JMJD1C: variants seen among roughly 807,000 people sequenced by gnomAD.
JMJD1C encodes jumonji domain containing 1C, also known as jumonji domain-containing protein 1C.
In JMJD1C, 31 loss-of-function variants were observed where a neutral mutation model predicts 245.3. That is an observed-to-expected ratio of 0.13 (90% CI 0.09 to 0.17). The LOEUF is 0.17. Among genes scored for constraint, JMJD1C ranks in the 10% least tolerant of loss-of-function variants. JMJD1C has a pLI of 1.00. For missense variants in JMJD1C, 2,691 were observed against 3,000.2 expected (o/e 0.90, Z 2.41); for synonymous variants, 1,057 against 1,017.4 (o/e 1.04, Z -0.74).
intron 2 of JMJD1C, among the ~76,000 whole-genome samples, chr10:63,307,144 T>A (rs1189242844): frequency 1.3e-5 from 2 of 152,146 alleles, no homozygotes; most frequent in East Asian, 1.9e-4. Flanking sequence ...CAAATAATTC[T>A]GAGGATTCGT....
Position 63,336,603 on chromosome 10 carries a change from T to G in JMJD1C, c.333+43715A>C, listed in dbSNP as rs573116803. ...CTATAGAATAAATAAAAAAGAAGAA[T>G]GAGATAGTTAATCTAAAAAACAAAG... On this transcript the variant is annotated intron_variant, in intron 2 of 25. Transcript: ENST00000399262. Among the ~76,000 whole-genome samples the G allele has an allele frequency of 3.3e-5, 5 of 152,136 alleles. No homozygotes were observed. In the East Asian group the frequency reaches 9.7e-4, roughly 29 times the overall value.
At chr10:63,272,245 C>CCAGAA (rs1328695126) in intron 2 of JMJD1C, among the ~76,000 whole-genome samples, 3 of 151,966 alleles carry the variant, frequency 2.0e-5, no homozygotes. Context: ...CATGCATGAT[C>CCAGAA]CAGAAGGTAA....
At position 63,451,456 on chromosome 10, in the gene JMJD1C, T is replaced by C. The variant is rs535782870; in HGVS notation, c.168+14039A>G. On this transcript the variant is annotated intron_variant, in intron 1 of 25. Coordinates refer to ENST00000399262, the MANE Select transcript of JMJD1C (RefSeq NM_032776.3). ...CTGTCGGTCCTCTGTACTGCATTCA[T>C]GAGTTCAACCAATGATAGATCAAAA... is the stretch of plus-strand genomic sequence containing the variant. Among the ~76,000 whole-genome samples, 50 of 152,268 alleles carry C rather than the reference T, an allele frequency of 3.3e-4. 1 individual carries two copies. Among genetic ancestry groups the C allele is most frequent in the African/African-American group, 1.2e-3 (49 of 41,568 alleles).
At chr10:63,271,948 C>A (rs1856358239) in intron 2 of JMJD1C, among the ~76,000 whole-genome samples, 1 of 151,608 alleles carries the variant, frequency 6.6e-6, no homozygotes, top group Admixed American at 6.6e-5. Context: ...GGTGGCGTAC[C>A]TGTAGTCTCA....
At chr10:63,427,371 G>A in intron 1 of JMJD1C, 1 of 1,045,198 alleles carries the variant, frequency 9.6e-7, no homozygotes, top group African/African-American at 1.6e-5. Flanking sequence ...TCTGGCATCA[G>A]TACCCAAATC....
intron 24 of JMJD1C, 103 bp from the exon 25 acceptor site, chr10:63,168,669 G>T (rs778935915): frequency 1.9e-6 from 2 of 1,028,288 alleles, no homozygotes; most frequent in Non-Finnish European, 2.6e-6. Context: ...TTCTGCTGGA[G>T]AATTTACTTT....
At chr10:63,203,535 T>C (rs2133109001) in intron 10 of JMJD1C, 1 of 972,246 alleles carries the variant, frequency 1.0e-6, no homozygotes, top group South Asian at 4.8e-5. Context: ...AACCACTGGT[T>C]TTGTATTGTA....
chr10:63,393,602 A>T (rs536366662), intron 1 of JMJD1C, among the ~76,000 whole-genome samples: 2 of 152,310 alleles, frequency 1.3e-5, no homozygotes, highest in South Asian at 2.1e-4. Flanking sequence ...TTATTGCAGC[A>T]CTATTCACAA....
intron 1 of JMJD1C, among the ~76,000 whole-genome samples, chr10:63,423,477 G>T (rs1950250024): frequency 1.3e-5 from 2 of 152,298 alleles, no homozygotes; most frequent in African/African-American, 4.8e-5. Context: ...GTTGTATCAT[G>T]CCTCAGAACT....
intron 1 of JMJD1C, among the ~76,000 whole-genome samples, chr10:63,417,712 A>G (rs1173732218): frequency 1.3e-5 from 2 of 152,202 alleles, no homozygotes; most frequent in Non-Finnish European, 2.9e-5. Context: ...ATCATATTGT[A>G]TATGTTAAAT....
chr10:63,350,071 T>G (rs1944216687), intron 2 of JMJD1C, among the ~76,000 whole-genome samples: 1 of 152,196 alleles, frequency 6.6e-6, no homozygotes, highest in Non-Finnish European at 1.5e-5. Context: ...AAGAATAAGA[T>G]TTTAATATAT....
At chr10:63,495,983 C>T (rs963630749) in intron 1 of JMJD1C, among the ~76,000 whole-genome samples, 6 of 148,676 alleles carry the variant, frequency 4.0e-5, no homozygotes, top group African/African-American at 1.5e-4. Flanking sequence ...TACTAACAGA[C>T]ATTATGTTCC....
chr10:63,265,696 T>A (rs1043029987), intron 2 of JMJD1C, among the ~76,000 whole-genome samples: 3 of 151,972 alleles, frequency 2.0e-5, no homozygotes, highest in Admixed American at 6.6e-5. Flanking sequence ...TATAAAAAAA[T>A]TTTTTAACTG....
intron 2 of JMJD1C, among the ~76,000 whole-genome samples, chr10:63,340,113 GA>G (rs1020218338): frequency 8.5e-5 from 13 of 152,122 alleles, no homozygotes; most frequent in African/African-American, 3.1e-4. Context: ...TCCCTAATCT[GA>G]AAATCTGATG....
intron 1 of JMJD1C, among the ~76,000 whole-genome samples, chr10:63,480,049 A>G (rs1170134890): frequency 2.6e-5 from 4 of 152,216 alleles, no homozygotes; most frequent in Admixed American, 1.3e-4. Flanking sequence ...CTAGAATACC[A>G]TTACAAAAAA....
At chr10:63,480,187 C>T (rs1953787297) in intron 1 of JMJD1C, among the ~76,000 whole-genome samples, 1 of 152,034 alleles carries the variant, frequency 6.6e-6, no homozygotes, top group African/African-American at 2.4e-5. Flanking sequence ...GGTTTTGATC[C>T]TGTTGGAAAG....
intron 2 of JMJD1C, among the ~76,000 whole-genome samples, chr10:63,316,733 C>A (rs1238893622): frequency 6.6e-6 from 1 of 152,090 alleles, no homozygotes; most frequent in Non-Finnish European, 1.5e-5. Flanking sequence ...CAGGCGTGAG[C>A]CACCACAGCT....
intron 1 of JMJD1C, among the ~76,000 whole-genome samples, chr10:63,385,290 A>C (rs1385551956): frequency 6.6e-6 from 1 of 152,062 alleles, no homozygotes; most frequent in East Asian, 1.9e-4. Flanking sequence ...AAAAGTTTGA[A>C]ATATCGTGAT....
chr10:63,204,939 G>T, intron 10 of JMJD1C: 1 of 985,382 alleles, frequency 1.0e-6, no homozygotes, highest in Non-Finnish European at 1.2e-6. Context: ...AAAGTACTTT[G>T]AGTGTCCACA....
Sources: gnomAD v4.1 joint callset for allele counts (sites outside exome capture counted in the v4.1 genomes callset) on GRCh38, gnomAD v4.1.1 for gene constraint, MANE v1.5 for transcripts, NCBI Gene and HGNC (gene_info 2026-07-23, HGNC 2026-07-21) for gene names.